Variants in SV2C observed in about 807,000 individuals in gnomAD.
SV2C encodes synaptic vesicle glycoprotein 2C.
A neutral mutation model predicts 79.7 loss-of-function variants in SV2C; 49 were observed. The ratio of observed to expected loss-of-function variants is 0.61; its 90% CI spans 0.49 to 0.78. SV2C has a LOEUF of 0.78. SV2C is among the 30% of genes least tolerant of loss of function. The pLI, the probability that SV2C is intolerant of heterozygous loss-of-function variation, is 0.00. For synonymous variants in SV2C, 334 were observed against 333.2 expected (o/e 1.00, Z -0.03); for missense variants, 833 against 912.9 (o/e 0.91, Z 1.13).
At chr5:75,998,292 G>A in the SV2C span, among the ~76,000 whole-genome samples, 2 of 152,024 alleles carry the variant, frequency 1.3e-5, no homozygotes, top group African/African-American at 4.8e-5. Context: ...GTATACATAT[G>A]TAACAAACCT....
intron 2 of SV2C, among the ~76,000 whole-genome samples, chr5:76,156,333 A>T (rs907393096): frequency 6.6e-6 from 1 of 152,132 alleles, no homozygotes; most frequent in African/African-American, 2.4e-5. Context: ...GCTTCATTCT[A>T]TGGGGGGAAG....
At chr5:76,287,629 T>A (rs1267018177) in intron 6 of SV2C, among the ~76,000 whole-genome samples, 1 of 152,198 alleles carries the variant, frequency 6.6e-6, no homozygotes, top group African/African-American at 2.4e-5. Context: ...TATACAGCAC[T>A]ACCACAGTGC....
intron 1 of SV2C, among the ~76,000 whole-genome samples, chr5:76,087,448 A>C (rs1329190320): frequency 6.6e-6 from 1 of 152,240 alleles, no homozygotes; most frequent in East Asian, 1.9e-4. Context: ...AAGTGAAACC[A>C]AGAGAGCTTT....
chr5:76,012,966 A>C, the SV2C span, among the ~76,000 whole-genome samples: 3 of 151,904 alleles, frequency 2.0e-5, no homozygotes, highest in Non-Finnish European at 4.4e-5. Flanking sequence ...TGGTCTATAT[A>C]TCTGTTTTGG....
At chr5:75,964,398 A>C in the SV2C span, among the ~76,000 whole-genome samples, 1 of 152,176 alleles carries the variant, frequency 6.6e-6, no homozygotes, top group African/African-American at 2.4e-5. Flanking sequence ...TTTATTTGAA[A>C]TAAAGATATC....
intron 1 of SV2C, among the ~76,000 whole-genome samples, chr5:76,117,743 A>G (rs905358727): frequency 6.6e-6 from 1 of 152,180 alleles, no homozygotes; most frequent in African/African-American, 2.4e-5. Context: ...ATATAACAAA[A>G]AAGTTCCAGA....
intron 4 of SV2C, among the ~76,000 whole-genome samples, chr5:76,270,958 G>C (rs1275542743): frequency 6.6e-6 from 1 of 151,748 alleles, no homozygotes; most frequent in Non-Finnish European, 1.5e-5. Flanking sequence ...TAGTAGAGAC[G>C]GGGTTTCACC....
downstream of SV2C, among the ~76,000 whole-genome samples, chr5:76,335,574 C>T (rs1227307747): frequency 6.6e-6 from 1 of 152,044 alleles, no homozygotes; most frequent in East Asian, 1.9e-4. Context: ...TGCGGCCCTC[C>T]GCAGTGTTTG....
chr5:76,179,306 A>T (rs956049966), intron 2 of SV2C, among the ~76,000 whole-genome samples: 1 of 152,210 alleles, frequency 6.6e-6, no homozygotes, highest in Non-Finnish European at 1.5e-5. Flanking sequence ...CCATTTAGGG[A>T]TTCTAGGATA....
the SV2C span, among the ~76,000 whole-genome samples, chr5:76,032,095 G>C: frequency 6.6e-6 from 1 of 152,150 alleles, no homozygotes; most frequent in Non-Finnish European, 1.5e-5. Context: ...GAATGAGATG[G>C]AGTATAAGCA....
chr5:75,906,541 G>A, the SV2C span, among the ~76,000 whole-genome samples: 2 of 152,080 alleles, frequency 1.3e-5, no homozygotes, highest in Non-Finnish European at 2.9e-5. Context: ...ATGGATTAAG[G>A]TGATGGATGG....
chr5:76,130,571 CCT>C (rs1748854877), intron 1 of SV2C, among the ~76,000 whole-genome samples: 1 of 152,142 alleles, frequency 6.6e-6, no homozygotes, highest in African/African-American at 2.4e-5. Context: ...ACTTTTTTAA[CCT>C]CTGTTATCAT....
intron 2 of SV2C, among the ~76,000 whole-genome samples, chr5:76,182,043 G>A (rs1743751400): frequency 6.6e-6 from 1 of 152,014 alleles, no homozygotes; most frequent in African/African-American, 2.4e-5. Flanking sequence ...AGTCCTGAAA[G>A]AAAGCAAAAA....
the SV2C span, among the ~76,000 whole-genome samples, chr5:75,896,245 G>A: frequency 2.2e-5 from 3 of 137,628 alleles, no homozygotes; most frequent in Admixed American, 2.5e-4. Flanking sequence ...CCCAGAGTGT[G>A]ATGTTCCCCT....
the SV2C span, among the ~76,000 whole-genome samples, chr5:75,895,115 T>G: frequency 6.6e-6 from 1 of 152,132 alleles, no homozygotes; most frequent in African/African-American, 2.4e-5. Context: ...ATAGAATTAC[T>G]TCAGAAAAGT....
At chr5:76,242,214 A>T in intron 4 of SV2C, 1 of 973,086 alleles carries the variant, frequency 1.0e-6, no homozygotes. Context: ...TTAGCAGACA[A>T]CCTCGCGGAT....
rs114440090 is a variant in SV2C at position 76,174,236 on chromosome 5, G to A, written c.581-20683G>A. On this transcript the variant is annotated intron_variant, in intron 2 of 12. Coordinates refer to ENST00000502798, the MANE Select transcript of SV2C (RefSeq NM_014979.4). ...CTGCGAACCTCTCACGCTGTCACCG[G>A]GTCTCTGCAGCCAGCGTCGCCCCGT... 2,177 of 1,572,360 alleles carry A rather than the reference G, an allele frequency of 1.4e-3. 28 individuals carry two copies. In the African/African-American group the frequency reaches 0.026, roughly 19 times the overall value.
chr5:76,295,996 T>C, intron 9 of SV2C, 54 bp downstream of exon 9: 1 of 1,490,316 alleles, frequency 6.7e-7, no homozygotes. Context: ...AACTTATTTC[T>C]TCTTAGCTTT....
At chr5:76,082,268 G>A (rs556992189), upstream of SV2C, 1 of 152,380 alleles carries the variant, frequency 6.6e-6, no homozygotes, top group Non-Finnish European at 1.5e-5. Context: ...GGAAGGCCCG[G>A]GAGGGCGACG....
Sources: gnomAD v4.1 joint callset for allele counts (sites outside exome capture counted in the v4.1 genomes callset) on GRCh38, gnomAD v4.1.1 for gene constraint, MANE v1.5 for transcripts, NCBI Gene and HGNC (gene_info 2026-07-23, HGNC 2026-07-21) for gene names.